The following SLC9A9 variants were observed in gnomAD, a reference collection of about 807,000 sequenced individuals.
SLC9A9 encodes the protein solute carrier family 9 member A9, also known as sodium/hydrogen exchanger 9.
Under a neutral mutation model 77.8 loss-of-function variants are expected in SLC9A9, and 62 were observed. The observed-to-expected ratio is 0.80, with a 90% CI of 0.65 to 0.98. SLC9A9 has a LOEUF of 0.98. Among genes scored for constraint, SLC9A9 ranks in the 50% least tolerant of loss-of-function variants. The pLI is 0.00. For synonymous variants in SLC9A9, 320 were observed against 283.5 expected (o/e 1.13, Z -1.29); for missense variants, 775 against 774.9 (o/e 1.00, Z 0.00).
At chr3:143,647,343 T>A (rs1260180714) in intron 6 of SLC9A9, among the ~76,000 whole-genome samples, 1 of 152,212 alleles carries the variant, frequency 6.6e-6, no homozygotes, top group Non-Finnish European at 1.5e-5. Flanking sequence ...TTATCATTCG[T>A]CATTTAATTT....
chr3:143,580,426 T>A (rs1427275728), intron 6 of SLC9A9, among the ~76,000 whole-genome samples: 1 of 152,136 alleles, frequency 6.6e-6, no homozygotes, highest in Non-Finnish European at 1.5e-5. Flanking sequence ...CTCCATAACT[T>A]CCAGAAGTGT....
chr3:143,621,067 G>A (rs1240533135), intron 6 of SLC9A9, among the ~76,000 whole-genome samples: 1 of 152,154 alleles, frequency 6.6e-6, no homozygotes, highest in Non-Finnish European at 1.5e-5. Flanking sequence ...GAGGCTGGGG[G>A]AGGGGCGCCC....
At chr3:143,530,671 A>G (rs938338116) in intron 9 of SLC9A9, among the ~76,000 whole-genome samples, 7 of 135,276 alleles carry the variant, frequency 5.2e-5, no homozygotes, top group Admixed American at 7.3e-5. Context: ...ACAAACAAAC[A>G]AACAAAAACC....
At chr3:143,633,258 C>A (rs1405956965) in intron 6 of SLC9A9, among the ~76,000 whole-genome samples, 4 of 152,050 alleles carry the variant, frequency 2.6e-5, no homozygotes, top group African/African-American at 9.7e-5. Context: ...GCATTTATTT[C>A]TTAAATCATT....
intron 4 of SLC9A9, among the ~76,000 whole-genome samples, chr3:143,763,602 C>T (rs956339337): frequency 1.2e-4 from 19 of 152,066 alleles, no homozygotes; most frequent in Admixed American, 5.2e-4. Context: ...CTTTGAAGAA[C>T]TTGTTTGTAC....
intron 11 of SLC9A9, among the ~76,000 whole-genome samples, chr3:143,488,094 A>G (rs2035681225): frequency 6.6e-6 from 1 of 151,896 alleles, no homozygotes; most frequent in Non-Finnish European, 1.5e-5. Flanking sequence ...GAATTAGAGA[A>G]TAACAAGAAT....
At chr3:143,284,308 T>C (rs1198367053) in intron 14 of SLC9A9, among the ~76,000 whole-genome samples, 1 of 152,192 alleles carries the variant, frequency 6.6e-6, no homozygotes, top group Non-Finnish European at 1.5e-5. Context: ...AATTGTTCTT[T>C]TCTCCTTGTT....
chr3:143,819,633 T>A (rs1217591566), intron 2 of SLC9A9, among the ~76,000 whole-genome samples: 6 of 152,098 alleles, frequency 3.9e-5, no homozygotes, highest in East Asian at 3.8e-4. Context: ...AAAAAAAAAA[T>A]TTCCATGGAA....
chr3:143,648,131 T>C (rs1317328028), intron 6 of SLC9A9, among the ~76,000 whole-genome samples: 1 of 152,190 alleles, frequency 6.6e-6, no homozygotes, highest in Non-Finnish European at 1.5e-5. Flanking sequence ...CATATTACTT[T>C]ATTTATTACT....
rs145400150 is a variant in SLC9A9 at position 143,670,556 on chromosome 3, C to T, written c.650-18196G>A. Among the ~76,000 whole-genome samples the T allele has an allele frequency of 4.9e-4, 75 of 152,310 alleles. No homozygotes were observed. The South Asian group carries it at 6.4e-3, about 13-fold the overall frequency. On this transcript the variant is annotated intron_variant, in intron 5 of 15. Coordinates refer to ENST00000316549, the MANE Select transcript of SLC9A9 (RefSeq NM_173653.4). ...CTTGCTAATGTTCTGCAGGTGACGT[C>T]GTCTGTGGCCCTGGAGAGAAACATG...
intron 9 of SLC9A9, among the ~76,000 whole-genome samples, chr3:143,504,570 A>G (rs2035978871): frequency 6.6e-6 from 1 of 152,200 alleles, no homozygotes; most frequent in South Asian, 2.1e-4. Context: ...ACATATAGGT[A>G]AAGTGCAATC....
At position 143,517,326 on chromosome 3, in the gene SLC9A9, C is replaced by G. The variant is rs1198161247; in HGVS notation, c.1090-21878G>C. 59 of 1,239,626 alleles carry G rather than the reference C, an allele frequency of 4.8e-5. 1 individual carries two copies. Among genetic ancestry groups the G allele is most frequent in the Non-Finnish European group, 6.9e-5 (59 of 851,946 alleles). The allele number at this position is 1,239,626 out of a possible 1,614,324, so 76.8% of individuals were successfully genotyped here. On this transcript the variant is annotated intron_variant, in intron 9 of 15. Coordinates refer to ENST00000316549, the MANE Select transcript of SLC9A9 (RefSeq NM_173653.4). ...ATTCCGGCCATTCCAGGCATGCCCC[C>G]TCCCATTCCAGGCATTCCTCCAGGA...
At chr3:143,493,042 G>C (rs1406276745) in intron 11 of SLC9A9, among the ~76,000 whole-genome samples, 1 of 152,180 alleles carries the variant, frequency 6.6e-6, no homozygotes, top group Non-Finnish European at 1.5e-5. Flanking sequence ...TTGAGGTATG[G>C]TTTAAGCAAT....
intron 12 of SLC9A9, among the ~76,000 whole-genome samples, chr3:143,389,256 G>A (rs976718753): frequency 3.3e-5 from 5 of 151,830 alleles, no homozygotes; most frequent in African/African-American, 1.2e-4. Context: ...CAGGTTGGGA[G>A]AGAAAAGAAA....
intron 10 of SLC9A9, among the ~76,000 whole-genome samples, chr3:143,494,338 A>G (rs1328721066): frequency 1.3e-5 from 2 of 152,198 alleles, no homozygotes; most frequent in Admixed American, 6.5e-5. Flanking sequence ...CTTTGAAAAT[A>G]TTGGCGCTCT....
intron 12 of SLC9A9, among the ~76,000 whole-genome samples, chr3:143,423,274 C>G (rs1377921100): frequency 1.3e-5 from 2 of 150,922 alleles, no homozygotes; most frequent in African/African-American, 4.9e-5. Context: ...CACACACACA[C>G]ACACACACAC....
At chr3:143,438,489 C>G (rs548092843) in intron 12 of SLC9A9, among the ~76,000 whole-genome samples, 7 of 152,176 alleles carry the variant, frequency 4.6e-5, no homozygotes, top group African/African-American at 1.7e-4. Flanking sequence ...GTGGGGGAAG[C>G]CTTCTCCCCA....
At chr3:143,725,896 A>G (rs7629479) in intron 4 of SLC9A9, among the ~76,000 whole-genome samples, 1,209 of 28,950 alleles carry the variant, frequency 0.042, 21 homozygotes, top group African/African-American at 0.13. Flanking sequence ...TAATAATAAA[A>G]AAAAGAAAAA....
chr3:143,785,920 G>A (rs1332797849), intron 4 of SLC9A9, among the ~76,000 whole-genome samples: 5 of 143,472 alleles, frequency 3.5e-5, no homozygotes, highest in African/African-American at 5.2e-5. Context: ...GCAGTGGCGC[G>A]ATCTCGACTC....
Sources: gnomAD v4.1 joint callset for allele counts (sites outside exome capture counted in the v4.1 genomes callset) on GRCh38, gnomAD v4.1.1 for gene constraint, MANE v1.5 for transcripts, NCBI Gene and HGNC (gene_info 2026-07-23, HGNC 2026-07-21) for gene names.